The following ZBTB16 variants were observed in gnomAD, a reference collection of about 807,000 sequenced individuals.
The protein encoded by ZBTB16 is zinc finger and BTB domain containing 16.
In ZBTB16, 8 loss-of-function variants were observed where a neutral mutation model predicts 56.8. The ratio of observed to expected loss-of-function variants is 0.14; its 90% CI spans 0.08 to 0.25. The LOEUF (loss-of-function observed/expected upper bound fraction) is 0.25, where lower values mean the gene tolerates loss of function less well. Ranked by LOEUF, ZBTB16 falls within the 10% of genes least tolerant of loss-of-function variation. The pLI is 1.00. For missense variants in ZBTB16, 625 were observed against 903.0 expected (o/e 0.69, Z 3.95); for synonymous variants, 363 against 368.5 (o/e 0.98, Z 0.17).
intron 2 of ZBTB16, among the ~76,000 whole-genome samples, chr11:114,148,470 T>TTTCTTTCTTA (rs2134928936): frequency 1.9e-5 from 2 of 103,568 alleles, no homozygotes; most frequent in South Asian, 3.2e-4. Flanking sequence ...TCTCTCTCTC[T>TTTCTTTCTTA]CTTTCTTTCT....
intron 5 of ZBTB16, among the ~76,000 whole-genome samples, chr11:114,244,183 G>A (rs548773189): frequency 6.6e-6 from 1 of 152,152 alleles, no homozygotes; most frequent in African/African-American, 2.4e-5. Flanking sequence ...TAGTCCAGCC[G>A]TGCTCTTGGC....
At chr11:114,186,809 G>C (rs1943370653) in intron 3 of ZBTB16, 143 bp from the exon 4 acceptor site, 1 of 761,914 alleles carries the variant, frequency 1.3e-6, no homozygotes, top group Non-Finnish European at 2.3e-6. Context: ...AGGAGGGTCT[G>C]AGCCATGGAT....
At chr11:114,202,557 C>T (rs17116651) in intron 4 of ZBTB16, among the ~76,000 whole-genome samples, 26,688 of 152,174 alleles carry the variant, frequency 0.18, 2,887 homozygotes, top group Middle Eastern at 0.32. Context: ...GTTTCCCCAA[C>T]TGTACCGTAA....
intron 3 of ZBTB16, among the ~76,000 whole-genome samples, chr11:114,177,769 C>T (rs564466557): frequency 2.9e-4 from 44 of 152,260 alleles, no homozygotes; most frequent in African/African-American, 9.6e-4. Context: ...GTAAGGTGAA[C>T]CCCTGAGTCA....
intron 2 of ZBTB16, among the ~76,000 whole-genome samples, chr11:114,102,033 A>G (rs1342884010): frequency 6.6e-6 from 1 of 152,156 alleles, no homozygotes; most frequent in Non-Finnish European, 1.5e-5. Context: ...TGGCTCCTGC[A>G]ATGAGGACCT....
chr11:114,148,461 C>CTTTCTTTCTT lies in ZBTB16; in HGVS notation c.1269-7875_1269-7874insTTCTTTCTTT, dbSNP rs1481867050. Among the ~76,000 whole-genome samples, 54 of 47,176 alleles carry CTTTCTTTCTT rather than the reference C, an allele frequency of 1.1e-3. 4 individuals are homozygous for CTTTCTTTCTT. Among genetic ancestry groups the CTTTCTTTCTT allele is most frequent in the Admixed American group, 2.2e-3 (9 of 4,002 alleles). 30.9% of individuals were successfully genotyped at this position (47,176 alleles called of 152,430 possible). Reference sequence around the variant, plus strand: ...TTTCTCTCTCTCTGTCTGTCTGTCTCTCTCTCTCTCTTTCTTTCTTTCTTT... The same window carrying CTTTCTTTCTT: ...TTTCTCTCTCTCTGTCTGTCTGTCTCTTTCTTTCTTTCTCTCTCTCTTTCTTTCTTTCTTT... On this transcript the variant is annotated intron_variant, in intron 2 of 6. Transcript: ENST00000335953.
chr11:114,255,670 G>A lies in ZBTB16; in HGVS notation c.*5115G>A, dbSNP rs1215145872. ...AGCTTTCCGCATCTGCCTTCGTTTC[G>A]TGTAGATTGACGCGTTTCTTTGTAA... On this transcript the variant is annotated 3_prime_UTR_variant, in exon 7 of 7. Coordinates refer to ENST00000335953, the MANE Select transcript of ZBTB16 (RefSeq NM_006006.6). 1.3e-5 allele frequency among the ~76,000 whole-genome samples: 2 copies of A among 148,890 alleles called. No individual in the cohort carries two copies. The highest frequency in any genetic ancestry group is 2.5e-5 in the African/African-American group (1 of 40,164).
chr11:114,106,273 C>T lies in ZBTB16; in HGVS notation c.1268+41705C>T, dbSNP rs753679367. On this transcript the variant is annotated intron_variant, in intron 2 of 6. Transcript: ENST00000335953. ...GACTACTCATCCCTTCCCCCTTGGC[C>T]GGTTTCATGCCTATATTTACCCTCT... is the stretch of plus-strand genomic sequence containing the variant. Among the ~76,000 whole-genome samples the T allele has an allele frequency of 1.4e-4, 21 of 152,216 alleles. 1 individual carries two copies. The South Asian group carries it at 2.1e-3, about 15-fold the overall frequency.
At chr11:114,191,915 G>C (rs1005736728) in intron 4 of ZBTB16, among the ~76,000 whole-genome samples, 62 of 152,202 alleles carry the variant, frequency 4.1e-4, no homozygotes, top group African/African-American at 1.5e-3. Context: ...CTTGATTTAT[G>C]TGTTTAAAAG....
chr11:114,154,387 G>A (rs1038194376), intron 2 of ZBTB16, among the ~76,000 whole-genome samples: 2 of 152,092 alleles, frequency 1.3e-5, no homozygotes, highest in African/African-American at 4.8e-5. Context: ...GACTGTGTGC[G>A]AGTTCACCTG....
At chr11:114,157,320 G>C (rs1472325668) in intron 3 of ZBTB16, among the ~76,000 whole-genome samples, 1 of 152,216 alleles carries the variant, frequency 6.6e-6, no homozygotes, top group Non-Finnish European at 1.5e-5. Flanking sequence ...AATATGTGCT[G>C]TGTGACCTTA....
At chr11:114,197,269 G>T (rs1430505770) in intron 4 of ZBTB16, among the ~76,000 whole-genome samples, 1 of 152,198 alleles carries the variant, frequency 6.6e-6, no homozygotes, top group Non-Finnish European at 1.5e-5. Context: ...GGCTGCAAGA[G>T]TCTTGCAGTC....
chr11:114,139,915 G>T (rs979881832), intron 2 of ZBTB16, among the ~76,000 whole-genome samples: 20 of 152,130 alleles, frequency 1.3e-4, no homozygotes, highest in African/African-American at 4.6e-4. Flanking sequence ...GTCAGGATAG[G>T]AAGGACGGCA....
At chr11:114,239,105 A>G (rs1427242045) in intron 4 of ZBTB16, among the ~76,000 whole-genome samples, 1 of 152,146 alleles carries the variant, frequency 6.6e-6, no homozygotes, top group African/African-American at 2.4e-5. Context: ...TAGGGACAGC[A>G]TAGTGGGGCA....
chr11:114,145,584 T>C (rs1216309372), intron 2 of ZBTB16, among the ~76,000 whole-genome samples: 2 of 152,164 alleles, frequency 1.3e-5, no homozygotes, highest in East Asian at 3.9e-4. Context: ...ATGTTCAAAA[T>C]AGGCAAATCT....
Position 114,205,711 on chromosome 11 carries a change from TTC to T in ZBTB16, c.1453+18675_1453+18676del, listed in dbSNP as rs1217910178. Among the ~76,000 whole-genome samples, 3 of 152,210 alleles carry T rather than the reference TTC, an allele frequency of 2.0e-5. No individual in the cohort carries two copies. The East Asian group carries it at 5.8e-4, about 29-fold the overall frequency. ...ATGGGGAAGATCCCATCAGATAACA[TTC>T]TTTTTCTGCAGGTAGAGATAATGTG... On this transcript the variant is annotated intron_variant, in intron 4 of 6. Coordinates refer to ENST00000335953, the MANE Select transcript of ZBTB16 (RefSeq NM_006006.6).
intron 2 of ZBTB16, among the ~76,000 whole-genome samples, chr11:114,090,929 C>T (rs1160443225): frequency 6.6e-6 from 1 of 152,184 alleles, no homozygotes; most frequent in African/African-American, 2.4e-5. Flanking sequence ...CTCTGAGTTT[C>T]AGATTTCATC....
At chr11:114,184,031 C>T (rs1393538276) in intron 3 of ZBTB16, among the ~76,000 whole-genome samples, 1 of 152,244 alleles carries the variant, frequency 6.6e-6, no homozygotes, top group Non-Finnish European at 1.5e-5. Context: ...AGGTGAAATT[C>T]AACCCCAGCC....
At chr11:114,167,591 C>T (rs1357906414) in intron 3 of ZBTB16, among the ~76,000 whole-genome samples, 3 of 151,784 alleles carry the variant, frequency 2.0e-5, no homozygotes, top group Non-Finnish European at 4.4e-5. Context: ...TGTCCTTGGC[C>T]GTCTGGTTTT....
Sources: gnomAD v4.1 joint callset for allele counts (sites outside exome capture counted in the v4.1 genomes callset) on GRCh38, gnomAD v4.1.1 for gene constraint, MANE v1.5 for transcripts, NCBI Gene and HGNC (gene_info 2026-07-23, HGNC 2026-07-21) for gene names.